IQSEC1: variants seen among roughly 807,000 people sequenced by gnomAD.
IQSEC1 encodes IQ motif and Sec7 domain ArfGEF 1, also known as IQ motif and SEC7 domain-containing protein 1.
IQSEC1 carries 31 observed loss-of-function variants against 91.0 expected under a neutral mutation model. The ratio of observed to expected loss-of-function variants is 0.34; its 90% CI spans 0.26 to 0.46. The LOEUF is 0.46. Among genes scored for constraint, IQSEC1 ranks in the 20% least tolerant of loss-of-function variants. IQSEC1 has a pLI of 1.00. For missense variants in IQSEC1, 1,388 were observed against 1,575.6 expected (o/e 0.88, Z 2.02); for synonymous variants, 699 against 662.6 (o/e 1.05, Z -0.84).
intron 1 of IQSEC1, among the ~76,000 whole-genome samples, chr3:13,175,748 G>A (rs1300603441): frequency 6.6e-6 from 1 of 152,210 alleles, no homozygotes; most frequent in African/African-American, 2.4e-5. Flanking sequence ...ATCTGGCGAG[G>A]GCCACTTGTC....
chr3:13,279,180 G>T lies in IQSEC1; in HGVS notation c.272+3531C>A, dbSNP rs564406074. On this transcript the variant is annotated intron_variant, in intron 1 of 15. Coordinates refer to the IQSEC1 transcript ENST00000648114. ...TGACTTTCTAAAGGAAAATGCAATG[G>T]CCTGAATCAATCCCTCTGGCTTCAT... 1.6e-4 allele frequency among the ~76,000 whole-genome samples: 25 copies of T among 152,270 alleles called. No individual in the cohort carries two copies. In the South Asian group the frequency reaches 3.9e-3, roughly 24 times the overall value.
At chr3:13,237,141 G>A (rs77476008) in intron 1 of IQSEC1, among the ~76,000 whole-genome samples, 6,161 of 152,320 alleles carry the variant, frequency 0.04, 422 homozygotes, top group African/African-American at 0.14. Flanking sequence ...TGCTTCCATA[G>A]AGGTTTCTTT....
At chr3:12,933,447 G>A (rs1253237118) in intron 3 of IQSEC1, among the ~76,000 whole-genome samples, 3 of 152,306 alleles carry the variant, frequency 2.0e-5, no homozygotes, top group South Asian at 2.1e-4. Flanking sequence ...TCACAGTCCC[G>A]CGCCCTGAGT....
At chr3:13,023,155 G>A (rs538662450) in intron 1 of IQSEC1, among the ~76,000 whole-genome samples, 289 of 152,330 alleles carry the variant, frequency 1.9e-3, no homozygotes, top group Admixed American at 3.4e-3. Context: ...AAGAGCCCAC[G>A]CTGGAGTCAG....
intron 1 of IQSEC1, among the ~76,000 whole-genome samples, chr3:12,945,623 G>T (rs1197490615): frequency 1.3e-5 from 2 of 152,024 alleles, no homozygotes; most frequent in African/African-American, 4.8e-5. Context: ...GGCACCACAG[G>T]ATTCTTCAGC....
intron 1 of IQSEC1, among the ~76,000 whole-genome samples, chr3:13,175,518 A>C (rs1187213821): frequency 2.0e-5 from 3 of 152,140 alleles, no homozygotes; most frequent in African/African-American, 7.2e-5. Flanking sequence ...AATGGCTCTA[A>C]AGCACATCCC....
chr3:13,197,163 C>A, intron 1 of IQSEC1, among the ~76,000 whole-genome samples: 1 of 152,184 alleles, frequency 6.6e-6, no homozygotes, highest in Non-Finnish European at 1.5e-5. Context: ...CTGAAGACAT[C>A]TGAACAGATA....
At chr3:13,063,162 C>T (rs758027762) in intron 1 of IQSEC1, among the ~76,000 whole-genome samples, 2 of 152,158 alleles carry the variant, frequency 1.3e-5, no homozygotes, top group African/African-American at 2.4e-5. Context: ...GCCGACACCA[C>T]GCCCAGCCTG....
At chr3:13,189,556 C>A (rs1576288265) in intron 1 of IQSEC1, among the ~76,000 whole-genome samples, 1 of 152,218 alleles carries the variant, frequency 6.6e-6, no homozygotes, top group East Asian at 1.9e-4. Context: ...GAGGCAACCC[C>A]ACAAGCTTCT....
intron 1 of IQSEC1, among the ~76,000 whole-genome samples, chr3:13,263,982 G>A (rs1350373334): frequency 6.6e-6 from 1 of 152,192 alleles, no homozygotes; most frequent in Non-Finnish European, 1.5e-5. Context: ...TGTCCGCCTG[G>A]GCTTCCAACG....
intron 1 of IQSEC1, among the ~76,000 whole-genome samples, chr3:13,271,204 C>A (rs1280906391): frequency 6.6e-6 from 1 of 151,946 alleles, no homozygotes; most frequent in Non-Finnish European, 1.5e-5. Flanking sequence ...GGTGAAACCC[C>A]ATCTCTACTA....
Position 13,159,683 on chromosome 3 carries a change from T to C in IQSEC1, c.302+4421A>G, listed in dbSNP as rs9838655. ...ACTCTCTTACAAGGGTGCGGGTGGT[T>C]GTGCAGATGAGGTGAGACCCCCACC... On this transcript the variant is annotated intron_variant, in intron 2 of 15. Transcript: ENST00000648114. Among the ~76,000 whole-genome samples, 527 of 152,306 alleles carry C rather than the reference T, an allele frequency of 3.5e-3. 2 individuals carry two copies. Among genetic ancestry groups the C allele is most frequent in the African/African-American group, 0.012 (505 of 41,568 alleles).
chr3:13,204,641 G>T lies in IQSEC1; in HGVS notation c.273-40508C>A, dbSNP rs889386393. Among the ~76,000 whole-genome samples the T allele has an allele frequency of 3.3e-5, 5 of 152,312 alleles. No homozygotes were observed. In the East Asian group the frequency reaches 7.7e-4, roughly 24 times the overall value. ...GATTCCTGGGCGGAAAAGGCCCAGCGCTGTTAAGGGCACGCAGTAGGCGCT... is the reference window on the plus strand; with the variant it reads ...GATTCCTGGGCGGAAAAGGCCCAGCTCTGTTAAGGGCACGCAGTAGGCGCT... On this transcript the variant is annotated intron_variant, in intron 1 of 15. Transcript: ENST00000648114.
At chr3:13,089,739 A>T (rs1705804880) in intron 2 of IQSEC1, among the ~76,000 whole-genome samples, 1 of 152,228 alleles carries the variant, frequency 6.6e-6, no homozygotes, top group Admixed American at 6.5e-5. Flanking sequence ...AAATCCATAG[A>T]GGTAGAAAGC....
intron 1 of IQSEC1, among the ~76,000 whole-genome samples, chr3:12,990,514 A>G (rs2125625962): frequency 6.6e-6 from 1 of 152,320 alleles, no homozygotes; most frequent in Middle Eastern, 3.4e-3. Flanking sequence ...ACCTTCTAAA[A>G]AGACAGCAGG....
At chr3:13,197,229 G>A (rs770296969) in intron 1 of IQSEC1, among the ~76,000 whole-genome samples, 1 of 152,192 alleles carries the variant, frequency 6.6e-6, no homozygotes, top group African/African-American at 2.4e-5. Flanking sequence ...ACTTGAACGG[G>A]AAACGCTTGC....
chr3:13,190,555 C>CAA (rs79890597), intron 1 of IQSEC1, among the ~76,000 whole-genome samples: 1 of 142,650 alleles, frequency 7.0e-6, no homozygotes. Flanking sequence ...GACCCTGTCT[C>CAA]AAAAAAAAAA....
intron 1 of IQSEC1, among the ~76,000 whole-genome samples, chr3:13,007,223 C>A (rs938790890): frequency 6.6e-6 from 1 of 152,202 alleles, no homozygotes; most frequent in Admixed American, 6.5e-5. Context: ...GGTCGGGGGA[C>A]AGAACCCCTA....
At chr3:13,006,763 C>A (rs1702653361) in intron 1 of IQSEC1, among the ~76,000 whole-genome samples, 1 of 152,224 alleles carries the variant, frequency 6.6e-6, no homozygotes, top group African/African-American at 2.4e-5. Flanking sequence ...ACTGCCTGGG[C>A]CCAGGGGCAG....
Sources: gnomAD v4.1 joint callset for allele counts (sites outside exome capture counted in the v4.1 genomes callset) on GRCh38, gnomAD v4.1.1 for gene constraint, MANE v1.5 for transcripts, NCBI Gene and HGNC (gene_info 2026-07-23, HGNC 2026-07-21) for gene names.